The following SPATA20 variants were observed in gnomAD, a reference collection of about 807,000 sequenced individuals.
The protein encoded by SPATA20 is spermatogenesis associated 20, also known as spermatogenesis-associated protein 20.
In SPATA20, 74 loss-of-function variants were observed where a neutral mutation model predicts 98.9. The observed-to-expected ratio is 0.75, with a 90% CI of 0.62 to 0.91. The LOEUF (loss-of-function observed/expected upper bound fraction) is 0.91. SPATA20 is among the 40% of genes least tolerant of loss of function. The pLI is 0.00. For missense variants in SPATA20, 1,016 were observed against 1,069.8 expected, an observed-to-expected ratio of 0.95 and a Z score of 0.70; for synonymous variants, 430 against 440.5, an observed-to-expected ratio of 0.98 and a Z score of 0.30.
At position 50,551,014 on chromosome 17, in the gene SPATA20, T is replaced by C; in HGVS notation, c.1400T>C (p.Leu467Pro). 5 of 1,613,352 alleles carry C rather than the reference T, an allele frequency of 3.1e-6. No homozygotes were observed. In the South Asian group the frequency reaches 5.5e-5, roughly 18 times the overall value. The change falls in exon 12 of 17, where the codon CTG (leucine) becomes CCG (proline). Residue 467 changes from leucine (L) to proline (P), a missense_variant. Leu to Pro is a moderately conservative substitution (Grantham distance 98, BLOSUM62 -3). Transcript: ENST00000006658. Reference sequence around the variant, plus strand: ...TCTCCTCAGGACCCCAAGGGGGAGCTGCAGGGCCAGAATGTGCTGACCGTC... The same window carrying C: ...TCTCCTCAGGACCCCAAGGGGGAGCCGCAGGGCCAGAATGTGCTGACCGTC... ...ISPSQDPKGELQGQNVLTVRY... is the reference protein window; with the variant it reads ...ISPSQDPKGEPQGQNVLTVRY...
intron 14 of SPATA20, 86 bp from the exon 15 acceptor site, chr17:50,554,165 A>T: frequency 8.0e-7 from 1 of 1,247,562 alleles, no homozygotes; most frequent in Non-Finnish European, 1.2e-6. Context: ...CCGTCCCCCA[A>T]GTGGCCCTGG....
chr17:50,551,047 C>A lies in SPATA20; in HGVS notation c.1433C>A (p.Ser478Ter). The A allele has an allele frequency of 3.1e-6, 5 of 1,613,442 alleles. No individual in the cohort carries two copies. The highest frequency in any genetic ancestry group is 4.2e-6 in the Non-Finnish European group (5 of 1,179,998). ...QGQNVLTVRYSLELTAARFGL... is the reference protein window; with the variant it reads ...QGQNVLTVRY Reference sequence around the variant, plus strand: ...CAGAATGTGCTGACCGTCCGGTACTCGCTGGAGCTGACTGCTGCCCGCTTT... The same window carrying A: ...CAGAATGTGCTGACCGTCCGGTACTAGCTGGAGCTGACTGCTGCCCGCTTT... Residue 478 changes from serine to a stop codon, truncating the protein, a stop_gained, in exon 12 of 17, where the codon TCG becomes TAG. Coordinates refer to ENST00000006658, the MANE Select transcript of SPATA20 (RefSeq NM_022827.4). LOFTEE classifies it high-confidence loss of function.
chr17:50,548,147 C>T, intron 2 of SPATA20, 136 bp from the exon 3 acceptor site: 1 of 1,491,876 alleles, frequency 6.7e-7, no homozygotes, highest in Non-Finnish European at 8.9e-7. Context: ...ACAGTCTCCC[C>T]CATGGTTCAG....
At chr17:50,550,513 G>A in intron 9 of SPATA20, 23 bp from the exon 10 acceptor site, 1 of 1,611,534 alleles carries the variant, frequency 6.2e-7, no homozygotes, top group Non-Finnish European at 8.5e-7. Context: ...TCTGTTCACA[G>A]TCTCCTTTCT....
chr17:50,548,064 T>C, intron 2 of SPATA20: 1 of 1,495,902 alleles, frequency 6.7e-7, no homozygotes, highest in East Asian at 2.5e-5. Context: ...TGGGGGAGAC[T>C]AACCTGGCAA....
At chr17:50,552,208 G>A (rs1351546867) in intron 14 of SPATA20, 28 bp downstream of exon 14, 1 of 1,598,730 alleles carries the variant, frequency 6.3e-7, no homozygotes, top group Non-Finnish European at 8.6e-7. Context: ...GCTAGTCTGG[G>A]GTCCTGGGAG....
chr17:50,548,161 G>A (rs1043496709), intron 2 of SPATA20, 122 bp from the exon 3 acceptor site: 11 of 1,492,588 alleles, frequency 7.4e-6, no homozygotes, highest in Middle Eastern at 3.5e-4. Context: ...GGTTCAGAAA[G>A]GTGGGTTGGG....
chr17:50,555,231 G>C lies in SPATA20; in HGVS notation c.2158-1G>C. 6.2e-7 allele frequency: 1 copy of C among 1,613,908 alleles called. No individual in the cohort carries two copies. Among genetic ancestry groups the C allele is most frequent in the East Asian group, 2.2e-5 (1 of 44,878 alleles). On this transcript the variant is annotated splice_acceptor_variant, in intron 15 of 16. Transcript: ENST00000006658. LOFTEE classifies it high-confidence loss of function. ...CGGAGTGACCTTTCTATTCCGGTCAGATCGTGATCTGTGGAGACCGTCAGG... is the reference window on the plus strand; with the variant it reads ...CGGAGTGACCTTTCTATTCCGGTCACATCGTGATCTGTGGAGACCGTCAGG...
chr17:50,547,405 TC>T, intron 1 of SPATA20, 120 bp downstream of exon 1: 1 of 856,062 alleles, frequency 1.2e-6, no homozygotes, highest in Non-Finnish European at 1.8e-6. Flanking sequence ...GCCTGGCCCT[TC>T]CCCCACCCCA....
In SPATA20 at chr17:50,554,363, C is replaced by T. The variant is rs145311982; in HGVS notation, c.2070C>T (p.Thr690=). Residue 690 remains threonine, a synonymous_variant, in exon 15 of 17, where the codon ACC becomes ACT. Coordinates refer to ENST00000006658, the MANE Select transcript of SPATA20 (RefSeq NM_022827.4). ...TGGACAAGTGTGTGTGCCTATTGACCGCCTTTTCCGAGCGCATGCGTCGTG... is the reference window on the plus strand; with the variant it reads ...TGGACAAGTGTGTGTGCCTATTGACTGCCTTTTCCGAGCGCATGCGTCGTG... ...DWMDKCVCLL[T]AFSERMRRVP... 26 of 1,614,156 alleles carry T rather than the reference C, an allele frequency of 1.6e-5. No individual in the cohort carries two copies. The highest frequency in any genetic ancestry group is 1.7e-4 in the Middle Eastern group (1 of 6,060).
In SPATA20 at chr17:50,548,271, A is replaced by C. The variant is rs140613420; in HGVS notation, c.126-12A>C. 10,535 of 1,612,014 alleles carry C rather than the reference A, an allele frequency of 6.5e-3. 46 individuals are homozygous for C. The highest frequency in any genetic ancestry group is 8.5e-3 in the Non-Finnish European group (9,975 of 1,179,288). On this transcript the variant is annotated splice_polypyrimidine_tract_variant and intron_variant, in intron 2 of 16. Coordinates refer to ENST00000006658, the MANE Select transcript of SPATA20 (RefSeq NM_022827.4). ...AGGCCCCTGGCTTGCCTGATGCACC[A>C]GTCCTCGCCAGGGGTAGCTCCTCCC...
Position 50,548,559 on chromosome 17 carries a change from C to G in SPATA20, c.302C>G (p.Pro101Arg), listed in dbSNP as rs771981998. 4 of 1,613,766 alleles carry G rather than the reference C, an allele frequency of 2.5e-6. No individual in the cohort carries two copies. Among genetic ancestry groups the G allele is most frequent in the Non-Finnish European group, 2.5e-6 (3 of 1,179,892 alleles). ...QHAYNPVDWYPWGQEAFDKAR... is the reference protein window; with the variant it reads ...QHAYNPVDWYRWGQEAFDKAR... ...CCCCACCCTGCTGGGTCTAGGTACC[C>G]CTGGGGACAGGAAGCCTTCGACAAG... is the stretch of plus-strand genomic sequence containing the variant. Residue 101 changes from proline (P) to arginine (R), a missense_variant, in exon 4 of 17, where the codon CCC (proline) becomes CGC (arginine). Transcript: ENST00000006658.
At chr17:50,554,619 G>A (rs923581868) in intron 15 of SPATA20, among the ~76,000 whole-genome samples, 169 bp downstream of exon 15, 1 of 152,184 alleles carries the variant, frequency 6.6e-6, no homozygotes, top group Admixed American at 6.5e-5. Flanking sequence ...ATATGAGTCC[G>A]TGGTGGCTGA....
At chr17:50,547,408 C>G (rs1035745919) in intron 1 of SPATA20, 123 bp downstream of exon 1, 19 of 824,756 alleles carry the variant, frequency 2.3e-5, no homozygotes, top group Non-Finnish European at 7.4e-6. Context: ...TGGCCCTTCC[C>G]CCACCCCACC....
rs376916718 is a variant in SPATA20 at position 50,551,720 on chromosome 17, G to A, written c.1745+41G>A. The stretch of plus-strand genomic sequence containing the variant: ...GACCGGGAGGGCCCGTCTCCCCAAC[G>A]CGTCCCCAGCCTACCTCTGCCCTAC... On this transcript the variant is annotated intron_variant, in intron 13 of 16. Transcript: ENST00000006658. 504 of 1,560,998 alleles carry A rather than the reference G, an allele frequency of 3.2e-4. 1 individual carries two copies. Among genetic ancestry groups the A allele is most frequent in the Admixed American group, 2.2e-4 (13 of 57,852 alleles).
At position 50,549,206 on chromosome 17, in the gene SPATA20, T is replaced by A. The variant is rs2034968251; in HGVS notation, c.660+20T>A. 1 of 1,592,870 alleles carries A rather than the reference T, an allele frequency of 6.3e-7. No homozygotes were observed. Among genetic ancestry groups the A allele is most frequent in the African/African-American group, 1.3e-5 (1 of 74,452 alleles). On this transcript the variant is annotated intron_variant, in intron 6 of 16. Transcript: ENST00000006658. ...GAACAGGTGGGTGTGCCTCCGGGAGTTGGGGGACCAGGGTGGGGGACTAGG... is the reference window on the plus strand; with the variant it reads ...GAACAGGTGGGTGTGCCTCCGGGAGATGGGGGACCAGGGTGGGGGACTAGG...
Position 50,550,725 on chromosome 17 carries a change from C to A in SPATA20, c.1191C>A (p.Ser397Arg). Residue 397 changes from serine to arginine, a missense_variant, in exon 11 of 17, where the codon AGC (serine) becomes AGA (arginine). Ser to Arg is a moderately radical substitution (Grantham distance 110). Transcript: ENST00000006658. ...CCCCACAGTCCGGAGGCTTCTATAG[C>A]GCAGAAGATGCAGACTCGCCCCCAG... ...SLSHRSGGFY[S>R]AEDADSPPER... The A allele has an allele frequency of 6.2e-7, 1 of 1,613,312 alleles. No individual in the cohort carries two copies. Among genetic ancestry groups the A allele is most frequent in the Non-Finnish European group, 8.5e-7 (1 of 1,179,918 alleles).
intron 4 of SPATA20, 40 bp from the exon 5 acceptor site, chr17:50,548,770 C>T (rs369798318): frequency 2.4e-5 from 39 of 1,597,992 alleles, no homozygotes; most frequent in South Asian, 4.5e-5. Flanking sequence ...CCCTCTGACC[C>T]GTTGCTGGCC....
Position 50,547,182 on chromosome 17 carries a change from CG to C in SPATA20, c.-25del. On this transcript the variant is annotated 5_prime_UTR_variant, in exon 1 of 17. Transcript: ENST00000006658. Reference sequence around the variant, plus strand: ...TCCTGACTTCCCTTCCTGTCCTCAGCGGCCGGGCCCACGGCCCCGAGCAGCC... The same window carrying C: ...TCCTGACTTCCCTTCCTGTCCTCAGCGCCGGGCCCACGGCCCCGAGCAGCC... 7 of 1,412,742 alleles carry C rather than the reference CG, an allele frequency of 5.0e-6. No individual in the cohort carries two copies. The highest frequency in any genetic ancestry group is 6.4e-6 in the Non-Finnish European group (7 of 1,091,860). The allele number at this position is 1,412,742 out of a possible 1,614,324, so 87.5% of individuals were successfully genotyped here. A position where few individuals can be genotyped will look rare whatever the true frequency, so the allele number is the denominator to read the frequency against.
Sources: allele counts gnomAD v4.1 joint callset (sites outside exome capture counted in the v4.1 genomes callset), GRCh38; gene constraint gnomAD v4.1.1; transcripts MANE v1.5; gene names NCBI Gene and HGNC (gene_info 2026-07-23, HGNC 2026-07-21).